The following MRPL1 variants were observed in gnomAD, a reference collection of about 807,000 sequenced individuals.
MRPL1 encodes large ribosomal subunit protein uL1m.
In MRPL1, 28 loss-of-function variants were observed where a neutral mutation model predicts 38.0. That is an observed-to-expected ratio of 0.74 (90% CI 0.55 to 1.01). The LOEUF (loss-of-function observed/expected upper bound fraction) is 1.01. MRPL1 is among the 50% of genes least tolerant of loss of function. MRPL1 has a pLI of 0.00. For missense variants in MRPL1, 358 were observed against 389.8 expected (o/e 0.92, Z 0.69); for synonymous variants, 123 against 126.7 (o/e 0.97, Z 0.20).
At chr4:77,914,346 TCATATTGG>T (rs1736367256) in intron 7 of MRPL1, among the ~76,000 whole-genome samples, 1 of 152,128 alleles carries the variant, frequency 6.6e-6, no homozygotes, top group Admixed American at 6.6e-5. Context: ...GTGTGCATGG[TCATATTGG>T]GGTGATAATG....
intron 7 of MRPL1, among the ~76,000 whole-genome samples, chr4:77,946,730 A>G (rs1737278197): frequency 6.6e-6 from 1 of 152,092 alleles, no homozygotes; most frequent in Non-Finnish European, 1.5e-5. Flanking sequence ...TAGTCCTCCA[A>G]AATATTTGGA....
intron 3 of MRPL1, among the ~76,000 whole-genome samples, chr4:77,884,144 CT>C (rs1735618667): frequency 6.6e-6 from 1 of 151,320 alleles, no homozygotes; most frequent in South Asian, 2.1e-4. Flanking sequence ...TGTTTCTTCT[CT>C]GTAAATGAGG....
At chr4:77,885,061 T>G (rs1735642372) in intron 3 of MRPL1, among the ~76,000 whole-genome samples, 195 bp from the exon 4 acceptor site, 1 of 152,126 alleles carries the variant, frequency 6.6e-6, no homozygotes, top group African/African-American at 2.4e-5. Flanking sequence ...AAAAAAATAA[T>G]CTGTTGTGCT....
At chr4:77,870,454 A>T (rs1344581015) in intron 1 of MRPL1, among the ~76,000 whole-genome samples, 2 of 152,250 alleles carry the variant, frequency 1.3e-5, no homozygotes, top group African/African-American at 2.4e-5. Flanking sequence ...ACTGATATGA[A>T]GTGATCTCTC....
In MRPL1 at chr4:77,950,024, A is replaced by G. The variant is rs114251080; in HGVS notation, c.859+146A>G. The G allele has an allele frequency of 5.1e-3, 2,401 of 469,384 alleles. 57 individuals are homozygous for G. Among genetic ancestry groups the G allele is most frequent in the African/African-American group, 0.045 (2,232 of 49,820 alleles). 29.1% of individuals were successfully genotyped at this position (469,384 alleles called of 1,614,324 possible). ...AAAATCAAGTTAACATGCAAGTTTT[A>G]TATTTCCAGGGATTAAATAAATAAA... is the stretch of plus-strand genomic sequence containing the variant. On this transcript the variant is annotated intron_variant, in intron 8 of 8. Coordinates refer to ENST00000315567, the MANE Select transcript of MRPL1 (RefSeq NM_020236.4).
chr4:77,901,257 CAAAT>C (rs1293748468), intron 6 of MRPL1, among the ~76,000 whole-genome samples: 2 of 151,358 alleles, frequency 1.3e-5, no homozygotes, highest in African/African-American at 4.9e-5. Context: ...CATACTCACA[CAAAT>C]AAATATAGCT....
intron 1 of MRPL1, among the ~76,000 whole-genome samples, chr4:77,867,597 G>GTT (rs1735175129): frequency 2.6e-5 from 4 of 151,970 alleles, no homozygotes; most frequent in African/African-American, 4.8e-5. Context: ...TGTTGCCCAA[G>GTT]CTGGTCTTGA....
At chr4:77,886,336 AT>A (rs991858554) in intron 4 of MRPL1, among the ~76,000 whole-genome samples, 47 of 147,944 alleles carry the variant, frequency 3.2e-4, no homozygotes, top group African/African-American at 7.7e-4. Context: ...TGGCAGGCTA[AT>A]TTTTTTTTTT....
intron 2 of MRPL1, 37 bp downstream of exon 2, chr4:77,871,892 T>C: frequency 7.4e-7 from 1 of 1,359,770 alleles, no homozygotes; most frequent in Middle Eastern, 1.8e-4. Flanking sequence ...TCATTTGTTG[T>C]CATTTTAATT....
chr4:77,917,600 A>G (rs1005451549), intron 7 of MRPL1, among the ~76,000 whole-genome samples: 3 of 152,190 alleles, frequency 2.0e-5, no homozygotes, highest in Non-Finnish European at 2.9e-5. Flanking sequence ...CTTAATATGT[A>G]AATTCTCTTT....
At chr4:77,897,764 T>C (rs1305117176) in intron 6 of MRPL1, among the ~76,000 whole-genome samples, 2 of 152,246 alleles carry the variant, frequency 1.3e-5, no homozygotes, top group Non-Finnish European at 2.9e-5. Context: ...GGGTTTTGTT[T>C]GCATTATTGG....
intron 7 of MRPL1, among the ~76,000 whole-genome samples, chr4:77,941,242 G>T (rs917576777): frequency 1.3e-5 from 2 of 150,580 alleles, no homozygotes; most frequent in Non-Finnish European, 2.9e-5. Context: ...TCCAGTCTTG[G>T]TAAAAAGAGC....
chr4:77,934,229 C>T (rs778014085), intron 7 of MRPL1, among the ~76,000 whole-genome samples: 33 of 152,112 alleles, frequency 2.2e-4, no homozygotes, highest in African/African-American at 5.3e-4. Flanking sequence ...AACTTTTGTG[C>T]GTTAAATGAC....
At chr4:77,911,468 G>GT (rs913296614) in intron 7 of MRPL1, among the ~76,000 whole-genome samples, 27 of 151,424 alleles carry the variant, frequency 1.8e-4, no homozygotes, top group East Asian at 5.8e-4. Context: ...TGTTTAAAGA[G>GT]TTTTTTTTTG....
At chr4:77,935,284 G>A (rs768927221) in intron 7 of MRPL1, among the ~76,000 whole-genome samples, 4 of 152,056 alleles carry the variant, frequency 2.6e-5, no homozygotes, top group Non-Finnish European at 5.9e-5. Context: ...TTTTAAAAAT[G>A]TAACTTAAAA....
chr4:77,915,681 T>C (rs954239362), intron 7 of MRPL1, among the ~76,000 whole-genome samples: 6 of 152,220 alleles, frequency 3.9e-5, no homozygotes, highest in Non-Finnish European at 7.3e-5. Flanking sequence ...TGCAAAGTTA[T>C]GGGATTACAG....
At position 77,952,551 on chromosome 4, in the gene MRPL1, G is replaced by A; in HGVS notation, c.922G>A (p.Asp308Asn). The A allele has an allele frequency of 6.2e-7, 1 of 1,613,462 alleles. No homozygotes were observed. The highest frequency in any genetic ancestry group is 8.5e-7 in the Non-Finnish European group (1 of 1,179,768). The change falls in exon 9 of 9, where the codon GAT becomes AAT. Residue 308 changes from aspartate to asparagine, a missense_variant. By Grantham distance (23) the Asp-to-Asn change is conservative. Coordinates refer to ENST00000315567, the MANE Select transcript of MRPL1 (RefSeq NM_020236.4). ...AAGTGAAGGTTTATTACTGAAGATT[G>A]ATCCATTGTTGCCTAAAGAAGTAAA... The part of the protein sequence containing the change: ...STSEGLLLKI[D>N]PLLPKEVKNE...
chr4:77,921,826 A>C (rs1229583492), intron 7 of MRPL1, among the ~76,000 whole-genome samples: 2 of 151,966 alleles, frequency 1.3e-5, no homozygotes, highest in Non-Finnish European at 2.9e-5. Context: ...AATAGACTTC[A>C]AGATTCTGTG....
At chr4:77,880,387 G>T (rs903146926) in intron 2 of MRPL1, among the ~76,000 whole-genome samples, 1 of 151,948 alleles carries the variant, frequency 6.6e-6, no homozygotes, top group Non-Finnish European at 1.5e-5. Context: ...GTTGGGAAGG[G>T]GAAAAGACTC....
Sources: allele counts gnomAD v4.1 joint callset (sites outside exome capture counted in the v4.1 genomes callset), GRCh38; gene constraint gnomAD v4.1.1; transcripts MANE v1.5; gene names NCBI Gene and HGNC (gene_info 2026-07-23, HGNC 2026-07-21).